Variants in DNAH12 observed in about 807,000 individuals in gnomAD.
DNAH12 encodes the protein dynein axonemal heavy chain 12, also known as axonemal beta dynein heavy chain 12.
DNAH12 carries 285 observed loss-of-function variants against 371.5 expected under a neutral mutation model. The observed-to-expected ratio is 0.77, with a 90% CI of 0.70 to 0.85. DNAH12 has a LOEUF of 0.85. Among genes scored for constraint, DNAH12 ranks in the 40% least tolerant of loss-of-function variants. The pLI, the probability that DNAH12 is intolerant of heterozygous loss-of-function variation, is 0.00. For synonymous variants in DNAH12, 1,200 were observed against 1,213.0 expected, an observed-to-expected ratio of 0.99 and a Z score of 0.22; for missense variants, 3,611 against 3,689.4, an observed-to-expected ratio of 0.98 and a Z score of 0.55.
intron 62 of DNAH12, among the ~76,000 whole-genome samples, chr3:57,324,437 T>C (rs1477694367): frequency 6.6e-6 from 1 of 152,188 alleles, no homozygotes. Context: ...TTTGGTCAAA[T>C]AGCAGTCTAC....
intron 35 of DNAH12, among the ~76,000 whole-genome samples, chr3:57,422,334 TCTC>T (rs1321331185): frequency 2.6e-5 from 4 of 152,086 alleles, no homozygotes; most frequent in African/African-American, 9.7e-5. Context: ...TTCAAGCTAT[TCTC>T]CTGCCTCAGC....
intron 8 of DNAH12, among the ~76,000 whole-genome samples, chr3:57,507,246 A>G (rs2067796329): frequency 6.6e-6 from 1 of 152,142 alleles, no homozygotes; most frequent in African/African-American, 2.4e-5. Context: ...TTTTTCCACC[A>G]GATACCTCTT....
intron 4 of DNAH12, among the ~76,000 whole-genome samples, chr3:57,515,554 G>A (rs2068161746): frequency 6.6e-6 from 1 of 152,036 alleles, no homozygotes; most frequent in Admixed American, 6.6e-5. Flanking sequence ...AGGCTTCAGT[G>A]AGCCATGATC....
chr3:57,513,768 C>G (rs1228175848), intron 4 of DNAH12, among the ~76,000 whole-genome samples: 1 of 152,140 alleles, frequency 6.6e-6, no homozygotes, highest in Non-Finnish European at 1.5e-5. Flanking sequence ...TGTCACATAT[C>G]AGATTGACAA....
At chr3:57,488,943 T>C (rs1036862655) in intron 12 of DNAH12, among the ~76,000 whole-genome samples, 18 of 151,916 alleles carry the variant, frequency 1.2e-4, no homozygotes, top group African/African-American at 4.1e-4. Flanking sequence ...CCAAAGTGTG[T>C]GTGTGTGTGT....
intron 2 of DNAH12, among the ~76,000 whole-genome samples, chr3:57,541,293 G>C (rs1200604207): frequency 6.6e-6 from 1 of 152,070 alleles, no homozygotes; most frequent in Admixed American, 6.5e-5. Context: ...ATCCACCTCA[G>C]CCTCCCAAAG....
rs2063408499 is a variant in DNAH12 at position 57,382,258 on chromosome 3, T to C, written c.7992+4A>G. 6.6e-6 allele frequency: 1 copy of C among 152,222 alleles called. No individual in the cohort carries two copies. Among genetic ancestry groups the C allele is most frequent in the African/African-American group, 2.4e-5 (1 of 41,454 alleles). The allele number at this position is 152,222 out of a possible 1,614,324, so 9.4% of individuals were successfully genotyped here. The stretch of plus-strand genomic sequence containing the variant: ...TATGATTCAAATCTGTGTCAAGTTA[T>C]TACCTTGCCTCCAGTCCCTGAAGGA... On this transcript the variant is annotated splice_donor_region_variant and intron_variant, in intron 50 of 73. Coordinates refer to ENST00000495027, the MANE Select transcript of DNAH12 (RefSeq NM_001366028.2).
At chr3:57,437,195 A>G (rs2065156519) in intron 29 of DNAH12, 135 bp from the exon 30 acceptor site, 1 of 654,820 alleles carries the variant, frequency 1.5e-6, no homozygotes, top group African/African-American at 1.9e-5. Context: ...AAACTTTATT[A>G]TTTTTTCAAA....
At chr3:57,422,273 G>T (rs1473081674) in intron 35 of DNAH12, among the ~76,000 whole-genome samples, 1 of 151,870 alleles carries the variant, frequency 6.6e-6, no homozygotes, top group African/African-American at 2.4e-5. Context: ...TCTCACCCAG[G>T]CTGGAGTACA....
At chr3:57,324,335 A>G (rs2061880441) in intron 62 of DNAH12, among the ~76,000 whole-genome samples, 1 of 152,194 alleles carries the variant, frequency 6.6e-6, no homozygotes, top group Non-Finnish European at 1.5e-5. Context: ...AGAAAAATAC[A>G]AATTATAACT....
At chr3:57,370,862 T>C (rs925168434) in intron 55 of DNAH12, among the ~76,000 whole-genome samples, 15,224 of 152,038 alleles carry the variant, frequency 0.1, 2,502 homozygotes, top group African/African-American at 0.35. Flanking sequence ...GGTCCATATG[T>C]TGGGGGAGGC....
At chr3:57,451,663 A>G (rs1221421631) in intron 25 of DNAH12, among the ~76,000 whole-genome samples, 1 of 152,062 alleles carries the variant, frequency 6.6e-6, no homozygotes, top group Non-Finnish European at 1.5e-5. Flanking sequence ...CAAACAAAAA[A>G]TTCTGTTACA....
chr3:57,366,622 A>G (rs2063058012), intron 57 of DNAH12, 107 bp downstream of exon 57: 1 of 152,246 alleles, frequency 6.6e-6, no homozygotes, highest in African/African-American at 2.4e-5. Context: ...TTATAGTAAC[A>G]AAGTATAAAA....
intron 43 of DNAH12, among the ~76,000 whole-genome samples, chr3:57,402,140 G>T (rs1553679005): frequency 2.6e-5 from 4 of 152,174 alleles, no homozygotes; most frequent in African/African-American, 9.7e-5. Context: ...CAATGTAAGT[G>T]TAATTTTCCT....
At chr3:57,371,965 A>T (rs909715354) in intron 55 of DNAH12, among the ~76,000 whole-genome samples, 3 of 142,578 alleles carry the variant, frequency 2.1e-5, no homozygotes, top group African/African-American at 7.9e-5. Flanking sequence ...AAAAAAAAAA[A>T]TTCTTTCAAA....
At chr3:57,532,709 G>T (rs2068893777) in intron 2 of DNAH12, among the ~76,000 whole-genome samples, 1 of 152,130 alleles carries the variant, frequency 6.6e-6, no homozygotes, top group Non-Finnish European at 1.5e-5. Context: ...TGTGTGCTGA[G>T]CTGCCTGGAG....
At chr3:57,534,551 C>T (rs2068963278) in intron 2 of DNAH12, among the ~76,000 whole-genome samples, 1 of 142,924 alleles carries the variant, frequency 7.0e-6, no homozygotes, top group East Asian at 2.0e-4. Context: ...GCCCAGTTGC[C>T]TGACTGAAGT....
intron 43 of DNAH12, among the ~76,000 whole-genome samples, chr3:57,396,286 A>AAC (rs2063735618): frequency 4.1e-5 from 3 of 72,338 alleles, no homozygotes; most frequent in South Asian, 4.3e-4. Context: ...CTCAAAAAAA[A>AAC]AAACAAAAAA....
intron 58 of DNAH12, among the ~76,000 whole-genome samples, chr3:57,362,992 A>T (rs1229895105): frequency 1.3e-5 from 2 of 152,162 alleles, no homozygotes; most frequent in African/African-American, 4.8e-5. Context: ...TAGGGTTTTT[A>T]CAGTTTTAGG....
Sources: allele counts gnomAD v4.1 joint callset (sites outside exome capture counted in the v4.1 genomes callset), GRCh38; gene constraint gnomAD v4.1.1; transcripts MANE v1.5; gene names NCBI Gene and HGNC (gene_info 2026-07-23, HGNC 2026-07-21).